EPHA6: variants seen among roughly 807,000 people sequenced by gnomAD.
EPHA6 encodes the protein ephrin type-A receptor 6.
EPHA6 carries 50 observed loss-of-function variants against 112.0 expected under a neutral mutation model. The ratio of observed to expected loss-of-function variants is 0.45; its 90% CI spans 0.36 to 0.56. The LOEUF is 0.56. Among genes scored for constraint, EPHA6 ranks in the 20% least tolerant of loss-of-function variants. The probability of loss-of-function intolerance (pLI) is 0.00; values close to 1 mark genes in which losing one functional copy is unlikely to be tolerated. For synonymous variants in EPHA6, 529 were observed against 490.7 expected, an observed-to-expected ratio of 1.08 and a Z score of -1.03; for missense variants, 1,280 against 1,417.4, an observed-to-expected ratio of 0.90 and a Z score of 1.56.
chr3:97,546,184 T>G (rs1466264589), intron 11 of EPHA6, among the ~76,000 whole-genome samples: 1 of 152,226 alleles, frequency 6.6e-6, no homozygotes, highest in African/African-American at 2.4e-5. Flanking sequence ...ATTTGGCATG[T>G]TTTTGCATTG....
intron 14 of EPHA6, among the ~76,000 whole-genome samples, chr3:97,646,654 G>A (rs891732302): frequency 6.6e-6 from 1 of 152,160 alleles, no homozygotes; most frequent in African/African-American, 2.4e-5. Flanking sequence ...CACTATGCCA[G>A]CCACCAGAAA....
chr3:97,253,372 C>T (rs1164852541), intron 5 of EPHA6, among the ~76,000 whole-genome samples: 1 of 152,088 alleles, frequency 6.6e-6, no homozygotes, highest in Non-Finnish European at 1.5e-5. Context: ...AAAGAGAGTT[C>T]CATAATTTAA....
intron 5 of EPHA6, among the ~76,000 whole-genome samples, chr3:97,258,826 G>A (rs2079402887): frequency 6.6e-6 from 1 of 152,100 alleles, no homozygotes; most frequent in Non-Finnish European, 1.5e-5. Flanking sequence ...AACATGATGA[G>A]CAAGCAAATG....
chr3:96,843,640 G>T (rs1037076026), intron 1 of EPHA6, among the ~76,000 whole-genome samples: 1 of 152,058 alleles, frequency 6.6e-6, no homozygotes, highest in Non-Finnish European at 1.5e-5. Flanking sequence ...CAGATATACA[G>T]AATAAAAGGA....
intron 4 of EPHA6, among the ~76,000 whole-genome samples, chr3:97,235,248 A>G (rs1200690226): frequency 6.6e-6 from 1 of 152,120 alleles, no homozygotes; most frequent in East Asian, 1.9e-4. Flanking sequence ...ACTACAAGGT[A>G]CCTGGCATAT....
intron 14 of EPHA6, chr3:97,646,045 A>G (rs1229081560): frequency 2.6e-6 from 3 of 1,162,114 alleles, no homozygotes. Context: ...AGTATGCTAC[A>G]TGGAAGCTAT....
At chr3:96,923,592 C>T (rs955318614) in intron 2 of EPHA6, among the ~76,000 whole-genome samples, 1 of 151,852 alleles carries the variant, frequency 6.6e-6, no homozygotes, top group Non-Finnish European at 1.5e-5. Flanking sequence ...GTTGTGTGTT[C>T]ACACTGCTGA....
chr3:96,950,169 C>T (rs538473757), intron 2 of EPHA6, among the ~76,000 whole-genome samples: 5 of 151,828 alleles, frequency 3.3e-5, no homozygotes, highest in African/African-American at 1.2e-4. Flanking sequence ...TTTCATCTTT[C>T]CCCATTAGTC....
At chr3:97,526,194 C>T (rs939689964) in intron 10 of EPHA6, among the ~76,000 whole-genome samples, 1 of 152,190 alleles carries the variant, frequency 6.6e-6, no homozygotes, top group African/African-American at 2.4e-5. Context: ...GTGAGGGATT[C>T]AGCCTGAATG....
chr3:97,399,561 T>C (rs1246366817), intron 5 of EPHA6, among the ~76,000 whole-genome samples: 3 of 151,626 alleles, frequency 2.0e-5, no homozygotes, highest in Admixed American at 2.0e-4. Flanking sequence ...TGGCAGTGGA[T>C]GAGTTCCATT....
At position 97,083,094 on chromosome 3, in the gene EPHA6, G is replaced by A. The variant is rs114491193; in HGVS notation, c.1114+95101G>A. 2.9e-3 allele frequency among the ~76,000 whole-genome samples: 444 copies of A among 151,958 alleles called. 3 individuals carry two copies. The highest frequency in any genetic ancestry group is 9.7e-3 in the African/African-American group (402 of 41,486). On this transcript the variant is annotated intron_variant, in intron 3 of 17. Transcript: ENST00000389672. Reference sequence around the variant, plus strand: ...CAAATTATGTAACCCCAGCTAATTTGCCGTAAGAATTAACAGTTGTGCTTA... The same window carrying A: ...CAAATTATGTAACCCCAGCTAATTTACCGTAAGAATTAACAGTTGTGCTTA...
At chr3:96,898,497 G>A (rs1575966289) in intron 2 of EPHA6, among the ~76,000 whole-genome samples, 1 of 152,004 alleles carries the variant, frequency 6.6e-6, no homozygotes, top group Admixed American at 6.6e-5. Flanking sequence ...ATTCAAAATT[G>A]TAAAAGATGC....
chr3:97,184,912 A>T (rs1460523179), intron 3 of EPHA6, among the ~76,000 whole-genome samples: 1 of 152,202 alleles, frequency 6.6e-6, no homozygotes, highest in Non-Finnish European at 1.5e-5. Context: ...ATAATGCCAC[A>T]TATCTACAAC....
At chr3:97,119,834 T>A (rs527287182) in intron 3 of EPHA6, among the ~76,000 whole-genome samples, 1 of 152,154 alleles carries the variant, frequency 6.6e-6, no homozygotes, top group African/African-American at 2.4e-5. Context: ...GTTTTTGTAC[T>A]CTTCCTCTGC....
chr3:96,839,418 C>G (rs953025972), intron 1 of EPHA6, among the ~76,000 whole-genome samples: 3 of 151,992 alleles, frequency 2.0e-5, no homozygotes, highest in African/African-American at 7.2e-5. Context: ...TGGAACCATT[C>G]CCCTGCTTCC....
chr3:96,894,910 C>T (rs899394154), intron 2 of EPHA6, among the ~76,000 whole-genome samples: 8 of 152,074 alleles, frequency 5.3e-5, no homozygotes, highest in Non-Finnish European at 1.0e-4. Context: ...CAACAAGCTT[C>T]CTAAAAATTT....
intron 5 of EPHA6, among the ~76,000 whole-genome samples, chr3:97,284,797 C>A (rs1033188824): frequency 3.3e-5 from 5 of 151,998 alleles, no homozygotes; most frequent in Non-Finnish European, 7.4e-5. Context: ...CCAATTAATA[C>A]AAATATGTTA....
chr3:97,319,731 C>A (rs1297541581), intron 5 of EPHA6, among the ~76,000 whole-genome samples: 2 of 142,376 alleles, frequency 1.4e-5, no homozygotes, highest in East Asian at 2.1e-4. Context: ...ACGAAAAAAA[C>A]AGGAAAAATA....
chr3:97,166,432 C>A (rs955828116), intron 3 of EPHA6, among the ~76,000 whole-genome samples: 3 of 150,784 alleles, frequency 2.0e-5, no homozygotes, highest in Non-Finnish European at 2.9e-5. Flanking sequence ...GTGGGGAGAC[C>A]CTGCCTGTGA....
Sources: allele counts gnomAD v4.1 joint callset (sites outside exome capture counted in the v4.1 genomes callset), GRCh38; gene constraint gnomAD v4.1.1; transcripts MANE v1.5; gene names NCBI Gene and HGNC (gene_info 2026-07-23, HGNC 2026-07-21).